Variants in CMSS1 observed in about 807,000 individuals in gnomAD.
CMSS1 encodes cms1 ribosomal small subunit homolog.
In CMSS1, 33 loss-of-function variants were observed where a neutral mutation model predicts 43.5. The ratio of observed to expected loss-of-function variants is 0.76; its 90% confidence interval spans 0.57 to 1.01. The LOEUF (loss-of-function observed/expected upper bound fraction) is 1.01. CMSS1 is among the 50% of genes least tolerant of loss of function. The pLI, the probability that CMSS1 is intolerant of heterozygous loss-of-function variation, is 0.00. For missense variants in CMSS1, 313 were observed against 326.4 expected, an observed-to-expected ratio of 0.96 and a Z score of 0.32; for synonymous variants, 115 against 117.2, an observed-to-expected ratio of 0.98 and a Z score of 0.12.
intron 1 of CMSS1, among the ~76,000 whole-genome samples, chr3:100,103,841 A>G (rs2066349763): frequency 6.6e-6 from 1 of 152,218 alleles, no homozygotes; most frequent in Admixed American, 6.5e-5. Context: ...AAAAGAGTCT[A>G]TGCCCTGTGT....
At chr3:100,147,965 C>T (rs764533385) in intron 2 of CMSS1, among the ~76,000 whole-genome samples, 6 of 152,136 alleles carry the variant, frequency 3.9e-5, no homozygotes, top group Admixed American at 1.3e-4. Context: ...ATTGGGTTTC[C>T]ATCAAACCTG....
chr3:100,030,935 G>T (rs1173279829), intron 1 of CMSS1, among the ~76,000 whole-genome samples: 3 of 152,042 alleles, frequency 2.0e-5, no homozygotes, highest in Non-Finnish European at 4.4e-5. Flanking sequence ...ATATAGATTT[G>T]CATTATAATA....
intron 1 of CMSS1, among the ~76,000 whole-genome samples, chr3:100,017,564 C>G (rs1710380718): frequency 6.6e-6 from 1 of 152,184 alleles, no homozygotes; most frequent in Admixed American, 6.5e-5. Flanking sequence ...CTGTCAGCAA[C>G]ATGTATCCTG....
chr3:99,830,396 G>C, intron 1 of CMSS1: 2 of 411,624 alleles, frequency 4.9e-6, no homozygotes, highest in Middle Eastern at 4.8e-4. Context: ...ATGTATCCAG[G>C]CAGTGCATTG....
At chr3:100,137,071 T>C (rs1278584828) in intron 1 of CMSS1, among the ~76,000 whole-genome samples, 1 of 152,236 alleles carries the variant, frequency 6.6e-6, no homozygotes, top group African/African-American at 2.4e-5. Flanking sequence ...GATATGGGAA[T>C]TGTGTTCTTT....
At chr3:100,148,204 G>A (rs1367176184) in intron 2 of CMSS1, among the ~76,000 whole-genome samples, 4 of 152,040 alleles carry the variant, frequency 2.6e-5, no homozygotes, top group African/African-American at 4.8e-5. Flanking sequence ...TCAGTCTCCT[G>A]AGCAGCTGGG....
chr3:100,088,665 C>A (rs182843855), intron 1 of CMSS1, among the ~76,000 whole-genome samples: 142 of 152,170 alleles, frequency 9.3e-4, no homozygotes, highest in African/African-American at 3.3e-3. Flanking sequence ...TCTCTCTCTT[C>A]TTTTTCTCCT....
intron 1 of CMSS1, among the ~76,000 whole-genome samples, chr3:100,014,874 C>CTTTTTTTT (rs200759774): frequency 2.0e-3 from 57 of 28,158 alleles, no homozygotes; most frequent in Non-Finnish European, 2.5e-3. Context: ...TTTTTCTTTT[C>CTTTTTTTT]TTTTTTTTTT....
intron 1 of CMSS1, among the ~76,000 whole-genome samples, chr3:99,991,714 T>TG: frequency 6.6e-6 from 1 of 152,084 alleles, no homozygotes; most frequent in South Asian, 2.1e-4. Flanking sequence ...ATTTGACTGT[T>TG]GCTGCGTTAT....
chr3:99,903,014 A>T (rs1346230086), intron 1 of CMSS1, among the ~76,000 whole-genome samples: 1 of 152,314 alleles, frequency 6.6e-6, no homozygotes, highest in East Asian at 1.9e-4. Context: ...AAGGATATAA[A>T]CAAATGGTCA....
chr3:100,095,955 G>A (rs947266195), intron 1 of CMSS1, among the ~76,000 whole-genome samples: 1 of 152,082 alleles, frequency 6.6e-6, no homozygotes, highest in African/African-American at 2.4e-5. Flanking sequence ...TTAAAAAATA[G>A]GCATAAGATT....
chr3:99,987,238 A>G lies in CMSS1; in HGVS notation c.65-159735A>G, dbSNP rs117387288. Among the ~76,000 whole-genome samples the G allele has an allele frequency of 3.2e-3, 470 of 148,132 alleles. 11 individuals carry two copies. The East Asian group carries it at 0.06, about 19-fold the overall frequency. On this transcript the variant is annotated intron_variant, in intron 1 of 9. Coordinates refer to ENST00000421999, the MANE Select transcript of CMSS1 (RefSeq NM_032359.4). ...AGTAAGACCCTGTCTCTTAAGGGGA[A>G]AAAAAAAAGGCCAGGCACAGTGGCT...
At chr3:99,849,677 G>A (rs1943561194) in intron 1 of CMSS1, 1 of 1,613,220 alleles carries the variant, frequency 6.2e-7, no homozygotes, top group South Asian at 1.1e-5. Flanking sequence ...GCTTTGTCTC[G>A]TTCATTAGCA....
intron 1 of CMSS1, among the ~76,000 whole-genome samples, chr3:99,975,931 C>G (rs551030813): frequency 6.6e-6 from 1 of 152,334 alleles, no homozygotes; most frequent in African/African-American, 2.4e-5. Flanking sequence ...GTTGTCCAGG[C>G]TGGAGTGCAG....
intron 1 of CMSS1, among the ~76,000 whole-genome samples, chr3:100,053,129 A>G (rs962977677): frequency 3.9e-5 from 6 of 152,144 alleles, no homozygotes; most frequent in African/African-American, 9.7e-5. Context: ...TATTGCTCCA[A>G]TTTGGGGCAT....
At chr3:100,010,947 A>G (rs553512950) in intron 1 of CMSS1, among the ~76,000 whole-genome samples, 1 of 151,976 alleles carries the variant, frequency 6.6e-6, no homozygotes, top group Admixed American at 6.6e-5. Flanking sequence ...CTTTTGCATC[A>G]TAGTTTAAGT....
intron 1 of CMSS1, chr3:100,041,506 A>G (rs1307359162): frequency 1.3e-5 from 2 of 152,204 alleles, no homozygotes; most frequent in East Asian, 3.8e-4. Flanking sequence ...GTGATGTTAC[A>G]AAAAAGCAAA....
At chr3:100,135,447 T>C (rs1017757529) in intron 1 of CMSS1, among the ~76,000 whole-genome samples, 1 of 116,992 alleles carries the variant, frequency 8.5e-6, no homozygotes, top group African/African-American at 3.4e-5. Context: ...CATGTGTGTG[T>C]GTGTGTGTGT....
chr3:100,014,196 A>G (rs1412732577), intron 1 of CMSS1, among the ~76,000 whole-genome samples: 1 of 150,898 alleles, frequency 6.6e-6, no homozygotes, highest in African/African-American at 2.4e-5. Context: ...TTGTATATGT[A>G]TATATATATT....
Sources: gnomAD v4.1 joint callset for allele counts (sites outside exome capture counted in the v4.1 genomes callset) on GRCh38, gnomAD v4.1.1 for gene constraint, MANE v1.5 for transcripts, NCBI Gene and HGNC (gene_info 2026-07-23, HGNC 2026-07-21) for gene names.